Variants in SBSN observed in about 807,000 individuals in gnomAD.
The protein encoded by SBSN is HLAR698.
SBSN carries 33 observed loss-of-function variants against 42.8 expected under a neutral mutation model. The ratio of observed to expected loss-of-function variants is 0.77; its 90% CI spans 0.58 to 1.03. The LOEUF (loss-of-function observed/expected upper bound fraction) is 1.03. Among genes scored for constraint, SBSN ranks in the 50% least tolerant of loss-of-function variants. The pLI, the probability that SBSN is intolerant of heterozygous loss-of-function variation, is 0.00. For missense variants in SBSN, 646 were observed against 757.3 expected (o/e 0.85, Z 1.72); for synonymous variants, 276 against 307.0 (o/e 0.90, Z 1.06).
In SBSN at chr19:35,527,901, C is replaced by T; in HGVS notation, c.381G>A (p.Gly127=). The T allele has an allele frequency of 6.2e-7, 1 of 1,614,172 alleles. No homozygotes were observed. Among genetic ancestry groups the T allele is most frequent in the Non-Finnish European group, 8.5e-7 (1 of 1,180,042 alleles). The part of the protein sequence containing the change: ...HGVNNAAGQV[G]KEADKLIHHG... ...GATGGATCAGTTTGTCTGCCTCCTT[C>T]CCAACCTGTCCAGCAGCGTTGTTGA... Residue 127 remains glycine, a synonymous_variant, in exon 1 of 4, where the codon GGG becomes GGA. Coordinates refer to ENST00000452271, the MANE Select transcript of SBSN (RefSeq NM_001166034.2).
At chr19:35,526,041 G>A (rs2071366203) in intron 1 of SBSN, among the ~76,000 whole-genome samples, 1 of 152,110 alleles carries the variant, frequency 6.6e-6, no homozygotes, top group Admixed American at 6.6e-5. Flanking sequence ...CTCCTGGCTG[G>A]GCAGTGCAGG....
chr19:35,525,501 C>G (rs1446787700), intron 1 of SBSN, among the ~76,000 whole-genome samples: 4 of 136,840 alleles, frequency 2.9e-5, no homozygotes, highest in Non-Finnish European at 6.3e-5. Flanking sequence ...AGATGTGGCT[C>G]TGGACTTCGA....
chr19:35,525,926 A>G (rs10402520), intron 1 of SBSN, among the ~76,000 whole-genome samples: 84,464 of 151,968 alleles, frequency 0.56, 23,617 homozygotes, highest in South Asian at 0.61. Context: ...CAAGTGATCC[A>G]CCTGCCTCGG....
Position 35,527,841 on chromosome 19 carries a change from A to G in SBSN, c.441T>C (p.Ser147=). The change falls in exon 1 of 4, where the codon AGT becomes AGC. Residue 147 remains serine (S), a synonymous_variant. Transcript: ENST00000452271. Reference sequence around the variant, plus strand: ...CTCCCTGGCCAAACTTCCCTGCCTCACTTCCCGCCTGGTTGGCCCCGTGAT... The same window carrying G: ...CTCCCTGGCCAAACTTCCCTGCCTCGCTTCCCGCCTGGTTGGCCCCGTGAT... ...GVHHGANQAG[S]EAGKFGQGVD... 1.2e-6 allele frequency: 2 copies of G among 1,613,000 alleles called. No individual in the cohort carries two copies. The highest frequency in any genetic ancestry group is 3.3e-5 in the Admixed American group (2 of 59,956).
rs79098197 is a variant in SBSN at position 35,528,213 on chromosome 19, C to T, written c.69G>A (p.Ala23=). 1.1e-3 allele frequency: 1,761 copies of T among 1,613,960 alleles called. 16 individuals carry two copies. The African/African-American group carries it at 0.018, about 17-fold the overall frequency. The change falls in exon 1 of 4, where the codon GCG becomes GCA. Residue 23 remains alanine (A), a synonymous_variant. Coordinates refer to ENST00000452271, the MANE Select transcript of SBSN (RefSeq NM_001166034.2). Reference sequence around the variant, plus strand: ...CCTTCTCAATGGGGTCATCGCTGGCCGCCCATCCAGACAGGGCCCCCAGTA... The same window carrying T: ...CCTTCTCAATGGGGTCATCGCTGGCTGCCCATCCAGACAGGGCCCCCAGTA... ...LLLLGALSGW[A]ASDDPIEKVI...
chr19:35,524,569 A>C, intron 3 of SBSN, 142 bp downstream of exon 3: 1 of 751,340 alleles, frequency 1.3e-6, no homozygotes, highest in Non-Finnish European at 2.2e-6. Context: ...GAAGCCCAGG[A>C]CTGGGTATCA....
In SBSN at chr19:35,528,051, G is replaced by T. The variant is rs768567606; in HGVS notation, c.231C>A (p.Ser77Arg). 62 of 1,613,648 alleles carry T rather than the reference G, an allele frequency of 3.8e-5. No individual in the cohort carries two copies. Among genetic ancestry groups the T allele is most frequent in the Non-Finnish European group, 5.0e-5 (59 of 1,180,028 alleles). The change falls in exon 1 of 4, where the codon AGC becomes AGA. Residue 77 changes from serine (S) to arginine (R), a missense_variant. Ser to Arg is a moderately radical substitution (Grantham distance 110). Transcript: ENST00000452271. ...CTTTGTCCAACTCCTTGCCGGTGTG[G>T]CTCCCCATGTTGCTAAGTCCGTTGA... ...KVFNGLSNMG[S>R]HTGKELDKGV... is the part of the protein sequence containing the mutation.
chr19:35,525,229 T>C (rs550828918), intron 1 of SBSN, among the ~76,000 whole-genome samples: 70 of 152,242 alleles, frequency 4.6e-4, no homozygotes, highest in African/African-American at 1.7e-4. Context: ...TATCAGGACC[T>C]AGTTTAACCT....
At position 35,526,935 on chromosome 19, in the gene SBSN, G is replaced by A. The variant is rs373186427; in HGVS notation, c.1347C>T (p.His449=). Residue 449 remains histidine (H), a synonymous_variant, in exon 1 of 4, where the codon CAC becomes CAT. Transcript: ENST00000452271. ...IAVHGVQPGV[H]EAGKEAGQFG... is the part of the protein sequence containing the mutation. Reference sequence around the variant, plus strand: ...ACTGCCCTGCCTCCTTCCCGGCCTCGTGGACCCCAGGTTGGACACCATGAA... The same window carrying A: ...ACTGCCCTGCCTCCTTCCCGGCCTCATGGACCCCAGGTTGGACACCATGAA... The A allele has an allele frequency of 7.1e-5, 112 of 1,577,822 alleles. No homozygotes were observed. The African/African-American group carries it at 1.2e-3, about 17-fold the overall frequency.
intron 3 of SBSN, among the ~76,000 whole-genome samples, chr19:35,523,960 C>A (rs1250779128): frequency 6.6e-6 from 1 of 152,192 alleles, no homozygotes; most frequent in Non-Finnish European, 1.5e-5. Flanking sequence ...GAGGGGATCA[C>A]TTGAGATCAG....
chr19:35,525,842 C>T (rs2071364380), intron 1 of SBSN, among the ~76,000 whole-genome samples: 1 of 152,146 alleles, frequency 6.6e-6, no homozygotes, highest in Non-Finnish European at 1.5e-5. Context: ...GCCACCACAC[C>T]TGGCTAATTT....
intron 3 of SBSN, 74 bp from the exon 4 acceptor site, chr19:35,523,607 C>T: frequency 6.7e-7 from 1 of 1,484,030 alleles, no homozygotes; most frequent in Non-Finnish European, 9.4e-7. Flanking sequence ...TCAGCCCCGC[C>T]CCTCGGGAGA....
intron 1 of SBSN, 112 bp downstream of exon 1, chr19:35,526,532 T>G: frequency 1.0e-6 from 1 of 1,003,614 alleles, no homozygotes; most frequent in Non-Finnish European, 1.4e-6. Flanking sequence ...CCAAGCTTCT[T>G]TCACCAAACA....
At position 35,527,988 on chromosome 19, in the gene SBSN, G is replaced by T. The variant is rs1421506851; in HGVS notation, c.294C>A (p.Ala98=). 1.2e-6 allele frequency: 2 copies of T among 1,613,718 alleles called. No homozygotes were observed. The highest frequency in any genetic ancestry group is 2.7e-5 in the African/African-American group (2 of 74,818). The change falls in exon 1 of 4, where the codon GCC becomes GCA. Residue 98 remains alanine, a synonymous_variant. Transcript: ENST00000452271. The part of the protein sequence containing the change: ...QGLNHGMDKV[A]HEINHGIGQA... ...GTCCAATACCATGGTTGATCTCATG[G>T]GCAACCTTGTCCATGCCGTGGTTGA...
At position 35,527,638 on chromosome 19, in the gene SBSN, C is replaced by T. The variant is rs1304121677; in HGVS notation, c.644G>A (p.Ser215Asn). 2 of 1,535,860 alleles carry T rather than the reference C, an allele frequency of 1.3e-6. No homozygotes were observed. Among genetic ancestry groups the T allele is most frequent in the Non-Finnish European group, 1.7e-6 (2 of 1,149,252 alleles). Residue 215 changes from serine (S) to asparagine (N), a missense_variant, in exon 1 of 4, where the codon AGT becomes AAT. Ser to Asn is a conservative substitution (Grantham distance 46). Around this residue, in one of 3 missense-constraint regions of SBSN, gnomAD observed 220 missense variants for 334.5 expected, o/e 0.66. Coordinates refer to ENST00000452271, the MANE Select transcript of SBSN (RefSeq NM_001166034.2). The stretch of plus-strand genomic sequence containing the variant: ...CTTCTCTGTCTCCTTCCAGCCCTCA[C>T]TGAGACCATGGTGGGCCCCCTGGCC... Reference protein sequence around the residue: ...RFGQGAHHGLSEGWKETEKFG... With the variant: ...RFGQGAHHGLNEGWKETEKFG...
Position 35,527,909 on chromosome 19 carries a change from G to C in SBSN, c.373C>G (p.Gln125Glu). 1.2e-6 allele frequency: 2 copies of C among 1,614,096 alleles called. No individual in the cohort carries two copies. Among genetic ancestry groups the C allele is most frequent in the Non-Finnish European group, 1.7e-6 (2 of 1,180,030 alleles). Reference sequence around the variant, plus strand: ...AGTTTGTCTGCCTCCTTCCCAACCTGTCCAGCAGCGTTGTTGACCCCATGG... The same window carrying C: ...AGTTTGTCTGCCTCCTTCCCAACCTCTCCAGCAGCGTTGTTGACCCCATGG... ...LGHGVNNAAGQVGKEADKLIH... is the reference protein window; with the variant it reads ...LGHGVNNAAGEVGKEADKLIH... The change falls in exon 1 of 4, where the codon CAG becomes GAG. Residue 125 changes from glutamine to glutamate, a missense_variant. Around this residue, in one of 3 missense-constraint regions of SBSN, gnomAD observed 190 missense variants for 197.1 expected, o/e 0.96. Coordinates refer to ENST00000452271, the MANE Select transcript of SBSN (RefSeq NM_001166034.2).
intron 1 of SBSN, 78 bp from the exon 2 acceptor site, chr19:35,525,002 G>C: frequency 6.7e-7 from 1 of 1,493,850 alleles, no homozygotes. Flanking sequence ...CAGGGACCTG[G>C]TCCCCTCCAG....
In SBSN at chr19:35,526,775, C is replaced by T; in HGVS notation, c.1507G>A (p.Asp503Asn). ...TTCTCCACTTCCTTTCCAGCCTGGT[C>T]AGCAGCATGGTTGACCCCTTGGCCA... ...KLGQGVNHAADQAGKEVEKLG... is the reference protein window; with the variant it reads ...KLGQGVNHAANQAGKEVEKLG... Residue 503 changes from aspartate (D) to asparagine (N), a missense_variant, in exon 1 of 4, where the codon GAC becomes AAC. Asp to Asn is a conservative substitution (Grantham distance 23). Coordinates refer to ENST00000452271, the MANE Select transcript of SBSN (RefSeq NM_001166034.2). The T allele has an allele frequency of 6.2e-7, 1 of 1,613,124 alleles. No homozygotes were observed. The highest frequency in any genetic ancestry group is 8.5e-7 in the Non-Finnish European group (1 of 1,179,708).
rs1235794179 is a variant in SBSN at position 35,527,195 on chromosome 19, T to C, written c.1087A>G (p.Lys363Glu). 5.9e-6 allele frequency: 9 copies of C among 1,535,714 alleles called. No individual in the cohort carries two copies. Among genetic ancestry groups the C allele is most frequent in the South Asian group, 1.2e-5 (1 of 83,980 alleles). ...GVHHAASQFG[K>E]ETEKLGHGVH... is the part of the protein sequence containing the mutation. Reference sequence around the variant, plus strand: ...CCATGGCCGAGCTTCTCTGTTTCCTTCCCAAACTGACTGGCAGCATGGTGG... The same window carrying C: ...CCATGGCCGAGCTTCTCTGTTTCCTCCCCAAACTGACTGGCAGCATGGTGG... The change falls in exon 1 of 4, where the codon AAG (lysine) becomes GAG (glutamate). Residue 363 changes from lysine (K) to glutamate (E), a missense_variant. Physicochemically the swap from Lys to Glu is moderately conservative, Grantham distance 56. Coordinates refer to ENST00000452271, the MANE Select transcript of SBSN (RefSeq NM_001166034.2).
Sources: allele counts gnomAD v4.1 joint callset (sites outside exome capture counted in the v4.1 genomes callset), GRCh38; gene constraint gnomAD v4.1.1; regional missense constraint gnomAD v4.1.1; transcripts MANE v1.5; gene names NCBI Gene and HGNC (gene_info 2026-07-23, HGNC 2026-07-21).